Variants in HINT3 observed in about 807,000 individuals in gnomAD.
HINT3 encodes histidine triad nucleotide binding protein 3.
A neutral mutation model predicts 19.1 loss-of-function variants in HINT3; 16 were observed. That is an observed-to-expected ratio of 0.84 (90% CI 0.57 to 1.27). The LOEUF (loss-of-function observed/expected upper bound fraction) is 1.27. Among genes scored for constraint, HINT3 ranks in the 50% most tolerant of loss-of-function variants. HINT3 has a pLI of 0.00. For missense variants in HINT3, 197 were observed against 225.8 expected (o/e 0.87, Z 0.82); for synonymous variants, 75 against 84.8 (o/e 0.88, Z 0.63).
chr6:125,961,667 T>A (rs1487113770), intron 1 of HINT3, among the ~76,000 whole-genome samples: 2 of 152,136 alleles, frequency 1.3e-5, no homozygotes, highest in African/African-American at 4.8e-5. Context: ...GGGCAGAGCT[T>A]CCATGTCCTC....
chr6:125,962,730 G>A (rs1308615021), intron 1 of HINT3, among the ~76,000 whole-genome samples: 1 of 152,006 alleles, frequency 6.6e-6, no homozygotes, highest in African/African-American at 2.4e-5. Flanking sequence ...TTGTCTAATT[G>A]TATACTGCAG....
chr6:125,960,668 A>AGGGG (rs1788910719), intron 1 of HINT3, among the ~76,000 whole-genome samples: 1 of 42,310 alleles, frequency 2.4e-5, no homozygotes, highest in African/African-American at 4.3e-5. Flanking sequence ...GGGGGGGGAA[A>AGGGG]AAAAAAGAAG....
At chr6:125,970,941 C>T (rs892545274) in intron 2 of HINT3, among the ~76,000 whole-genome samples, 11 of 152,164 alleles carry the variant, frequency 7.2e-5, no homozygotes, top group African/African-American at 2.2e-4. Context: ...GGAAGGCTGG[C>T]AGTCTCCCAG....
chr6:125,957,262 C>A, intron 1 of HINT3, 84 bp downstream of exon 1: 4 of 1,379,550 alleles, frequency 2.9e-6, no homozygotes, highest in Non-Finnish European at 3.9e-6. Context: ...CGTTGTGGAG[C>A]GGGTGCAGAG....
chr6:125,958,207 A>AC lies in HINT3; in HGVS notation c.201+1035dup, dbSNP rs569231478. Among the ~76,000 whole-genome samples, 432 of 151,572 alleles carry AC rather than the reference A, an allele frequency of 2.9e-3. 2 individuals carry two copies. Among genetic ancestry groups the AC allele is most frequent in the Non-Finnish European group, 4.1e-3 (280 of 67,858 alleles). On this transcript the variant is annotated intron_variant, in intron 1 of 4. Coordinates refer to ENST00000229633, the MANE Select transcript of HINT3 (RefSeq NM_138571.5). The stretch of plus-strand genomic sequence containing the variant: ...AGAGAATAATGTCCCAGGTTGAGAG[A>AC]CCCCCCGAGAGGTTCAGTTTGTGTG...
At position 125,957,233 on chromosome 6, in the gene HINT3, TC is replaced by T; in HGVS notation, c.201+57del. Reference sequence around the variant, plus strand: ...TGAGGACCTGGCCGCCCCTCGGAGCTCCGGCAGGGAGGCCTCGCCGTTGTGG... The same window carrying T: ...TGAGGACCTGGCCGCCCCTCGGAGCTCGGCAGGGAGGCCTCGCCGTTGTGG... On this transcript the variant is annotated intron_variant, in intron 1 of 4. Transcript: ENST00000229633. 2.0e-6 allele frequency: 3 copies of T among 1,490,584 alleles called. No homozygotes were observed. The South Asian group carries it at 3.8e-5, about 19-fold the overall frequency. 92.3% of individuals were successfully genotyped at this position (1,490,584 alleles called of 1,614,324 possible). A position where few individuals can be genotyped will look rare whatever the true frequency, so the allele number is the denominator to read the frequency against.
At chr6:125,975,427 C>T (rs999473762) in intron 4 of HINT3, among the ~76,000 whole-genome samples, 11 of 152,122 alleles carry the variant, frequency 7.2e-5, no homozygotes, top group African/African-American at 2.2e-4. Flanking sequence ...AAAACAGTAC[C>T]TTGCAAATAG....
intron 2 of HINT3, among the ~76,000 whole-genome samples, chr6:125,969,416 A>G (rs572679832): frequency 6.6e-6 from 1 of 152,268 alleles, no homozygotes; most frequent in African/African-American, 2.4e-5. Flanking sequence ...GACTTATAGT[A>G]TAGTTTGAAG....
Position 125,972,967 on chromosome 6 carries a change from A to G in HINT3, c.389+639A>G, listed in dbSNP as rs1185554829. ...TTGAATTTTCTTAGAAAAATTTTAT[A>G]TGATTTAAAAACACATGATTATAAT... On this transcript the variant is annotated intron_variant, in intron 3 of 4. Transcript: ENST00000229633. Among the ~76,000 whole-genome samples the G allele has an allele frequency of 2.0e-5, 3 of 150,616 alleles. 1 individual carries two copies. The highest frequency in any genetic ancestry group is 4.4e-5 in the Non-Finnish European group (3 of 67,754).
intron 1 of HINT3, among the ~76,000 whole-genome samples, chr6:125,966,026 AT>A (rs1179653366): frequency 6.6e-6 from 1 of 152,102 alleles, no homozygotes; most frequent in Non-Finnish European, 1.5e-5. Flanking sequence ...GCATTCATGG[AT>A]TTTTTCTAAG....
At chr6:125,960,611 C>T (rs987743220) in intron 1 of HINT3, among the ~76,000 whole-genome samples, 3 of 143,746 alleles carry the variant, frequency 2.1e-5, no homozygotes, top group South Asian at 2.3e-4. Context: ...GAGCCAAGAT[C>T]GCGCCGCTGC....
intron 3 of HINT3, among the ~76,000 whole-genome samples, chr6:125,973,266 A>G (rs1789134795): frequency 6.6e-6 from 1 of 151,486 alleles, no homozygotes; most frequent in Non-Finnish European, 1.5e-5. Flanking sequence ...TATAGTAGAG[A>G]CAGGGTTTTG....
chr6:125,974,121 A>G (rs1789147825), intron 3 of HINT3, among the ~76,000 whole-genome samples: 1 of 152,190 alleles, frequency 6.6e-6, no homozygotes, highest in African/African-American at 2.4e-5. Context: ...TTGAACAGGC[A>G]AATATTTCTA....
chr6:125,974,207 T>A (rs1176967675), intron 3 of HINT3, among the ~76,000 whole-genome samples: 1 of 152,212 alleles, frequency 6.6e-6, no homozygotes, highest in East Asian at 1.9e-4. Flanking sequence ...GTAAGCTTAT[T>A]TTTAAGAGTT....
intron 2 of HINT3, among the ~76,000 whole-genome samples, chr6:125,967,714 G>A (rs964483806): frequency 3.9e-5 from 6 of 152,090 alleles, no homozygotes; most frequent in Non-Finnish European, 8.8e-5. Flanking sequence ...AACAAGTTAC[G>A]ATATGACAAA....
intron 1 of HINT3, among the ~76,000 whole-genome samples, chr6:125,960,078 GAGA>G (rs1420880151): frequency 6.6e-6 from 1 of 152,232 alleles, no homozygotes; most frequent in Non-Finnish European, 1.5e-5. Context: ...CTTGAAAAAG[GAGA>G]AGGAGCAATT....
chr6:125,969,106 T>C (rs1041114245), intron 2 of HINT3, among the ~76,000 whole-genome samples: 1 of 152,170 alleles, frequency 6.6e-6, no homozygotes, highest in Non-Finnish European at 1.5e-5. Context: ...TGGTGTTTCC[T>C]AGGGTTTCCT....
At chr6:125,968,749 A>G (rs1452892291) in intron 2 of HINT3, among the ~76,000 whole-genome samples, 3 of 151,736 alleles carry the variant, frequency 2.0e-5, no homozygotes, top group Admixed American at 6.6e-5. Context: ...TTTGATTTGC[A>G]TTTCCTGATG....
intron 1 of HINT3, among the ~76,000 whole-genome samples, chr6:125,966,240 T>C (rs1014477243): frequency 2.6e-5 from 4 of 152,220 alleles, no homozygotes; most frequent in African/African-American, 9.6e-5. Context: ...CTTTTTTCTG[T>C]AGATTACTGT....
Sources: allele counts gnomAD v4.1 joint callset (sites outside exome capture counted in the v4.1 genomes callset), GRCh38; gene constraint gnomAD v4.1.1; transcripts MANE v1.5; gene names NCBI Gene and HGNC (gene_info 2026-07-23, HGNC 2026-07-21).